The following GDPD5 variants were observed in gnomAD, a reference collection of about 807,000 sequenced individuals.
GDPD5 encodes glycerophosphodiester phosphodiesterase 2.
A neutral mutation model predicts 75.1 loss-of-function variants in GDPD5; 48 were observed. The ratio of observed to expected loss-of-function variants is 0.64; its 90% confidence interval spans 0.51 to 0.81. The LOEUF is 0.81. GDPD5 is among the 40% of genes least tolerant of loss of function. The probability of loss-of-function intolerance (pLI) is 0.00; values close to 1 mark genes in which losing one functional copy is unlikely to be tolerated. For missense variants in GDPD5, 706 were observed against 822.6 expected, an observed-to-expected ratio of 0.86 and a Z score of 1.73; for synonymous variants, 336 against 339.0, an observed-to-expected ratio of 0.99 and a Z score of 0.10.
chr11:75,515,653 A>G (rs1950623330), intron 1 of GDPD5, among the ~76,000 whole-genome samples: 1 of 152,220 alleles, frequency 6.6e-6, no homozygotes, highest in African/African-American at 2.4e-5. Flanking sequence ...AAGGTGTGTG[A>G]AGTGGCCACA....
intron 6 of GDPD5, among the ~76,000 whole-genome samples, chr11:75,456,032 G>A (rs1254860912): frequency 6.6e-6 from 1 of 152,226 alleles, no homozygotes; most frequent in Non-Finnish European, 1.5e-5. Flanking sequence ...AGCAGGGGAG[G>A]CTGCAGGGGC....
intron 4 of GDPD5, among the ~76,000 whole-genome samples, chr11:75,458,985 G>C (rs1949354976): frequency 6.6e-6 from 1 of 151,982 alleles, no homozygotes. Context: ...TGTTTCCCAG[G>C]CTGATCTCAA....
In GDPD5 at chr11:75,495,039, G is replaced by A. The variant is rs578229969; in HGVS notation, c.-144-4719C>T. Among the ~76,000 whole-genome samples the A allele has an allele frequency of 7.4e-4, 113 of 152,008 alleles. 1 individual carries two copies. The highest frequency in any genetic ancestry group is 6.8e-3 in the Middle Eastern group (2 of 294). The stretch of plus-strand genomic sequence containing the variant: ...TCTCAGCACTTTGGGAGACCGAGGC[G>A]GGCAGATCACAAGGTCAGGAGCTCG... On this transcript the variant is annotated intron_variant, in intron 1 of 16. Transcript: ENST00000336898.
intron 1 of GDPD5, among the ~76,000 whole-genome samples, chr11:75,497,417 G>C (rs1465452357): frequency 1.3e-5 from 2 of 152,272 alleles, no homozygotes; most frequent in East Asian, 3.9e-4. Flanking sequence ...TAATACCCAG[G>C]AGTGAACAAA....
At chr11:75,499,393 C>CCT (rs1950265072) in intron 1 of GDPD5, among the ~76,000 whole-genome samples, 1 of 140,160 alleles carries the variant, frequency 7.1e-6, no homozygotes, top group African/African-American at 2.8e-5. Context: ...TTCTTCTTTT[C>CCT]CTTTTTTTTT....
At chr11:75,502,325 C>T (rs1018220000) in intron 1 of GDPD5, among the ~76,000 whole-genome samples, 1 of 152,180 alleles carries the variant, frequency 6.6e-6, no homozygotes, top group African/African-American at 2.4e-5. Context: ...TCCTATAGAT[C>T]CCTCAATACC....
rs1941632978 is a variant in GDPD5, at chr11:75,525,549, A to G, written c.-484T>C. 6.6e-6 allele frequency: 1 copy of G among 152,260 alleles called. No homozygotes were observed. The highest frequency in any genetic ancestry group is 6.5e-5 in the Admixed American group (1 of 15,286). 9.4% of individuals were successfully genotyped at this position (152,260 alleles called of 1,614,324 possible). A position where few individuals can be genotyped will look rare whatever the true frequency, so the allele number is the denominator to read the frequency against. On this transcript the variant is annotated 5_prime_UTR_variant, in exon 1 of 17. Transcript: ENST00000336898. Reference sequence around the variant, plus strand: ...CCCTGGAGCTGGGGTTCCGACCCTCACTGACGGAAAGGCGCGGAGCGACCC... The same window carrying G: ...CCCTGGAGCTGGGGTTCCGACCCTCGCTGACGGAAAGGCGCGGAGCGACCC...
chr11:75,481,306 C>T lies in GDPD5; in HGVS notation c.-60-3511G>A, dbSNP rs1260334239. 3.3e-5 allele frequency among the ~76,000 whole-genome samples: 5 copies of T among 152,230 alleles called. No homozygotes were observed. In the East Asian group the frequency reaches 9.6e-4, roughly 29 times the overall value. On this transcript the variant is annotated intron_variant, in intron 2 of 16. Coordinates refer to ENST00000336898, the MANE Select transcript of GDPD5 (RefSeq NM_030792.8). ...CACTCAGGGCCTCTGCCTATCCCTC[C>T]AACACCACCACCCAATGCTGACTTC...
In GDPD5 at chr11:75,464,485, C is replaced by T. The variant is rs191158988; in HGVS notation, c.118-1596G>A. On this transcript the variant is annotated intron_variant, in intron 3 of 16. Transcript: ENST00000336898. ...CCCACTAAGGGCCTGCTCCGTGCCT[C>T]GCCCTGGGCAAGAGGGCTGGTGCCT... Among the ~76,000 whole-genome samples the T allele has an allele frequency of 1.8e-3, 274 of 152,312 alleles. 1 individual carries two copies. Among genetic ancestry groups the T allele is most frequent in the Admixed American group, 5.0e-3 (76 of 15,304 alleles).
chr11:75,513,936 C>T (rs1383359169), intron 1 of GDPD5, among the ~76,000 whole-genome samples: 2 of 152,248 alleles, frequency 1.3e-5, no homozygotes, highest in Non-Finnish European at 2.9e-5. Flanking sequence ...TCACCACTTC[C>T]CACCGACAGG....
chr11:75,517,734 C>T (rs1950670950), intron 1 of GDPD5, among the ~76,000 whole-genome samples: 2 of 151,968 alleles, frequency 1.3e-5, no homozygotes, highest in Non-Finnish European at 2.9e-5. Flanking sequence ...AGTTGGATGA[C>T]TTAAGTGGGG....
intron 1 of GDPD5, among the ~76,000 whole-genome samples, chr11:75,498,844 G>A (rs369904571): frequency 6.6e-6 from 1 of 151,942 alleles, no homozygotes; most frequent in Non-Finnish European, 1.5e-5. Context: ...CACCTTACAT[G>A]AGTCTGTTGA....
chr11:75,507,594 GT>G (rs1356483184), intron 1 of GDPD5, among the ~76,000 whole-genome samples: 1 of 152,214 alleles, frequency 6.6e-6, no homozygotes, highest in Non-Finnish European at 1.5e-5. Context: ...GCTGTCTCCT[GT>G]TCCCTTAGTC....
Position 75,477,605 on chromosome 11 carries a change from C to T in GDPD5, c.117+14G>A, listed in dbSNP as rs1455346754. The T allele has an allele frequency of 6.5e-7, 1 of 1,536,746 alleles. No individual in the cohort carries two copies. The highest frequency in any genetic ancestry group is 8.9e-7 in the Non-Finnish European group (1 of 1,125,930). ...CTCACTGGGTCCCTCTGACCCTGTT[C>T]CAGGGTGGCTCACCGGTGTGGTATC... On this transcript the variant is annotated intron_variant, in intron 3 of 16. Transcript: ENST00000336898.
chr11:75,519,775 A>G lies in GDPD5; in HGVS notation c.-145+5435T>C, dbSNP rs57534705. 2.8e-3 allele frequency among the ~76,000 whole-genome samples: 428 copies of G among 152,276 alleles called. 1 individual carries two copies. The highest frequency in any genetic ancestry group is 9.7e-3 in the African/African-American group (405 of 41,540). ...CTGCCTCAGGAGCCTGCTTCTCACA[A>G]TTTGGAAGTTTTGCATCTGTGTGTT... On this transcript the variant is annotated intron_variant, in intron 1 of 16. Transcript: ENST00000336898.
chr11:75,525,712 G>C lies in GDPD5; in HGVS notation c.-647C>G, dbSNP rs1941642216. ...GGCAGGGCAGGGCAGGCGCCGGCGG[G>C]GAGGCGCGGCGGCCGGAGCCCCGCG... On this transcript the variant is annotated 5_prime_UTR_variant, in exon 1 of 17. Transcript: ENST00000336898. 1 of 151,044 alleles carries C rather than the reference G, an allele frequency of 6.6e-6. No individual in the cohort carries two copies. The highest frequency in any genetic ancestry group is 1.5e-5 in the Non-Finnish European group (1 of 67,602). 9.4% of individuals were successfully genotyped at this position (151,044 alleles called of 1,614,324 possible).
intron 13 of GDPD5, 89 bp downstream of exon 13, chr11:75,441,556 GT>G: frequency 8.0e-7 from 1 of 1,248,728 alleles, no homozygotes. Flanking sequence ...GTGTGTGTGT[GT>G]GTGTGTGTGT....
chr11:75,511,209 G>T (rs1346808771), intron 1 of GDPD5, among the ~76,000 whole-genome samples: 1 of 152,150 alleles, frequency 6.6e-6, no homozygotes, highest in African/African-American at 2.4e-5. Context: ...TCTTTTCTGG[G>T]GCTAAAGAGT....
intron 2 of GDPD5, among the ~76,000 whole-genome samples, chr11:75,482,942 C>A (rs73006169): frequency 0.025 from 3,801 of 152,302 alleles, 78 homozygotes; most frequent in African/African-American, 0.043. Flanking sequence ...CTAGGGACTT[C>A]TTGGACCATA....
Sources: gnomAD v4.1 joint callset for allele counts (sites outside exome capture counted in the v4.1 genomes callset) on GRCh38, gnomAD v4.1.1 for gene constraint, MANE v1.5 for transcripts, NCBI Gene and HGNC (gene_info 2026-07-23, HGNC 2026-07-21) for gene names.